ANO10: variants seen among roughly 807,000 people sequenced by gnomAD.
ANO10 encodes the protein anoctamin-10.
ANO10 carries 77 observed loss-of-function variants against 74.7 expected under a neutral mutation model. That is an observed-to-expected ratio of 1.03 (90% confidence interval 0.86 to 1.25). ANO10 has a LOEUF of 1.25. ANO10 is among the 50% of genes most tolerant of loss of function. The pLI is 0.00. For missense variants in ANO10, 721 were observed against 778.1 expected (o/e 0.93, Z 0.87); for synonymous variants, 279 against 284.9 (o/e 0.98, Z 0.21).
At chr3:43,666,095 C>T (rs1045426025) in intron 1 of ANO10, among the ~76,000 whole-genome samples, 3 of 152,122 alleles carry the variant, frequency 2.0e-5, no homozygotes, top group African/African-American at 7.2e-5. Flanking sequence ...GTCATATCTT[C>T]AAGGATTTTA....
intron 11 of ANO10, among the ~76,000 whole-genome samples, chr3:43,463,316 C>G (rs2075468943): frequency 6.6e-6 from 1 of 152,198 alleles, no homozygotes; most frequent in Admixed American, 6.5e-5. Flanking sequence ...TCATCGTTAC[C>G]TGGATGTGAG....
intron 12 of ANO10, among the ~76,000 whole-genome samples, chr3:43,426,560 C>CTG (rs10638845): frequency 0.92 from 140,036 of 152,112 alleles, 64,703 homozygotes; most frequent in Non-Finnish European, 0.96. Context: ...TCCCTGGCTT[C>CTG]TGTGTGTTCT....
chr3:43,371,650 A>T (rs1381649316), intron 12 of ANO10, among the ~76,000 whole-genome samples: 1 of 152,148 alleles, frequency 6.6e-6, no homozygotes, highest in African/African-American at 2.4e-5. Flanking sequence ...CCTCCACTCA[A>T]GCTGTGCACA....
At chr3:43,367,802 A>G (rs568004094) in intron 12 of ANO10, among the ~76,000 whole-genome samples, 22 of 152,312 alleles carry the variant, frequency 1.4e-4, no homozygotes, top group African/African-American at 5.1e-4. Context: ...ATGAATAACT[A>G]TAATACTGTG....
chr3:43,368,258 G>A (rs544677696), intron 12 of ANO10, among the ~76,000 whole-genome samples: 27 of 152,168 alleles, frequency 1.8e-4, no homozygotes, highest in Non-Finnish European at 3.1e-4. Context: ...AGGGGGCTAC[G>A]GAGAGTCAAG....
intron 8 of ANO10, among the ~76,000 whole-genome samples, chr3:43,564,619 C>T (rs1335787301): frequency 6.6e-6 from 1 of 152,162 alleles, no homozygotes; most frequent in African/African-American, 2.4e-5. Flanking sequence ...CTGTACACTG[C>T]TGTTGAATTA....
chr3:43,465,411 G>C (rs1368847960), intron 11 of ANO10, among the ~76,000 whole-genome samples: 1 of 152,092 alleles, frequency 6.6e-6, no homozygotes, highest in Non-Finnish European at 1.5e-5. Context: ...TAACACAATG[G>C]TAAATATTTG....
At chr3:43,635,688 T>G (rs2083601763) in intron 1 of ANO10, among the ~76,000 whole-genome samples, 2 of 151,878 alleles carry the variant, frequency 1.3e-5, no homozygotes, top group Admixed American at 1.3e-4. Flanking sequence ...GGTGAGATCT[T>G]GGCTCACTGC....
intron 11 of ANO10, among the ~76,000 whole-genome samples, chr3:43,493,129 C>A (rs2076789158): frequency 1.3e-5 from 2 of 152,284 alleles, no homozygotes; most frequent in South Asian, 4.2e-4. Context: ...GAGTTCATGT[C>A]CTTTGCAGGG....
chr3:43,546,148 T>C lies in ANO10; in HGVS notation c.1797+3572A>G, dbSNP rs150151774. Among the ~76,000 whole-genome samples, 104 of 152,322 alleles carry C rather than the reference T, an allele frequency of 6.8e-4. 2 individuals carry two copies. The South Asian group carries it at 0.011, about 15-fold the overall frequency. ...AATAAGGTATAAACAAAACAAATATTCAAATACACACTGTGACAGAAAGAG... is the reference window on the plus strand; with the variant it reads ...AATAAGGTATAAACAAAACAAATATCCAAATACACACTGTGACAGAAAGAG... On this transcript the variant is annotated intron_variant, in intron 11 of 12. Transcript: ENST00000292246.
In ANO10 at chr3:43,572,549, T is replaced by G. The variant is rs185871581; in HGVS notation, c.1218+2260A>C. Among the ~76,000 whole-genome samples, 41 of 152,194 alleles carry G rather than the reference T, an allele frequency of 2.7e-4. No individual in the cohort carries two copies. The East Asian group carries it at 5.0e-3, about 19-fold the overall frequency. On this transcript the variant is annotated intron_variant, in intron 7 of 12. Coordinates refer to ENST00000292246, the MANE Select transcript of ANO10 (RefSeq NM_018075.5). Reference sequence around the variant, plus strand: ...CAACCAGTCTGGCCTGGGAAGCATCTTTGTCACCATAAGCATGAACTCCCC... The same window carrying G: ...CAACCAGTCTGGCCTGGGAAGCATCGTTGTCACCATAAGCATGAACTCCCC...
At chr3:43,619,656 C>T (rs1054197771) in intron 1 of ANO10, among the ~76,000 whole-genome samples, 4 of 151,566 alleles carry the variant, frequency 2.6e-5, no homozygotes, top group African/African-American at 9.7e-5. Context: ...TCAAGACCAG[C>T]CTGGGCAACA....
intron 11 of ANO10, among the ~76,000 whole-genome samples, chr3:43,479,619 A>G (rs1259966979): frequency 6.6e-6 from 1 of 152,186 alleles, no homozygotes; most frequent in Non-Finnish European, 1.5e-5. Context: ...AGTAGGAGAA[A>G]AGTTAATTAC....
chr3:43,452,427 A>G (rs1384933161), intron 11 of ANO10, among the ~76,000 whole-genome samples: 1 of 152,204 alleles, frequency 6.6e-6, no homozygotes, highest in East Asian at 1.9e-4. Flanking sequence ...GGAATCATAC[A>G]GTATGTGGTC....
intron 8 of ANO10, among the ~76,000 whole-genome samples, chr3:43,563,842 C>CTGGG (rs1227818271): frequency 1.3e-5 from 2 of 152,014 alleles, no homozygotes; most frequent in Non-Finnish European, 2.9e-5. Flanking sequence ...TTACCAGAGG[C>CTGGG]TGGGTGGGTG....
intron 11 of ANO10, among the ~76,000 whole-genome samples, chr3:43,476,889 T>C (rs1211975420): frequency 6.6e-6 from 1 of 152,214 alleles, no homozygotes; most frequent in Non-Finnish European, 1.5e-5. Flanking sequence ...AATAAGCAAT[T>C]TGCCGATCAA....
chr3:43,389,632 T>C (rs1203734243), intron 12 of ANO10, among the ~76,000 whole-genome samples: 2 of 152,238 alleles, frequency 1.3e-5, no homozygotes, highest in African/African-American at 4.8e-5. Flanking sequence ...GCATTCCAGA[T>C]AAGTATGTAG....
intron 1 of ANO10, among the ~76,000 whole-genome samples, chr3:43,609,616 T>C (rs185940494): frequency 3.5e-4 from 53 of 152,172 alleles, no homozygotes; most frequent in Non-Finnish European, 7.2e-4. Flanking sequence ...CATCATAGAG[T>C]GTACTCATAC....
At chr3:43,413,342 G>C (rs1344854312) in intron 12 of ANO10, among the ~76,000 whole-genome samples, 4 of 152,090 alleles carry the variant, frequency 2.6e-5, no homozygotes, top group African/African-American at 9.7e-5. Flanking sequence ...TTGTAATCCT[G>C]GTGGGGGTGT....
Sources: gnomAD v4.1 joint callset for allele counts (sites outside exome capture counted in the v4.1 genomes callset) on GRCh38, gnomAD v4.1.1 for gene constraint, MANE v1.5 for transcripts, NCBI Gene and HGNC (gene_info 2026-07-23, HGNC 2026-07-21) for gene names.